Variants in LOC128462377 observed in about 807,000 individuals in gnomAD.
the LOC128462377 span, among the ~76,000 whole-genome samples, chr16:89,401,929 G>A: frequency 6.7e-6 from 1 of 150,174 alleles, no homozygotes; most frequent in Non-Finnish European, 1.5e-5. Flanking sequence ...AGAGAGGCCT[G>A]GAGCAGATGC....
At chr16:89,413,825 G>A in the LOC128462377 span, among the ~76,000 whole-genome samples, 77 of 152,148 alleles carry the variant, frequency 5.1e-4, no homozygotes, top group Middle Eastern at 3.2e-3. Flanking sequence ...GCCCTAGGAT[G>A]CAGAGGGGCC....
the LOC128462377 span, among the ~76,000 whole-genome samples, chr16:89,336,621 A>G: frequency 1.3e-5 from 2 of 152,164 alleles, no homozygotes; most frequent in Admixed American, 6.5e-5. Flanking sequence ...CTTTGTAAGG[A>G]CGGAAAGCCA....
the LOC128462377 span, among the ~76,000 whole-genome samples, chr16:89,322,452 G>A: frequency 6.6e-6 from 1 of 152,242 alleles, no homozygotes; most frequent in Admixed American, 6.5e-5. Flanking sequence ...CAAGGCCCCT[G>A]AGAAGGGATG....
At chr16:89,367,366 C>T in the LOC128462377 span, among the ~76,000 whole-genome samples, 1 of 152,258 alleles carries the variant, frequency 6.6e-6, no homozygotes, top group Non-Finnish European at 1.5e-5. Flanking sequence ...AGACCTCCCA[C>T]CACTGCTTCC....
the LOC128462377 span, chr16:89,323,331 C>A: frequency 2.3e-6 from 3 of 1,288,922 alleles, no homozygotes; most frequent in Non-Finnish European, 3.0e-6. Flanking sequence ...GTGGCAATCC[C>A]AGGTATGGAA....
At chr16:89,366,480 G>C in the LOC128462377 span, among the ~76,000 whole-genome samples, 1 of 152,188 alleles carries the variant, frequency 6.6e-6, no homozygotes, top group African/African-American at 2.4e-5. Flanking sequence ...CCACAGACTC[G>C]CCAGCATCTG....
chr16:89,410,973 G>A, the LOC128462377 span, among the ~76,000 whole-genome samples: 10 of 152,164 alleles, frequency 6.6e-5, no homozygotes, highest in East Asian at 1.2e-3. Flanking sequence ...CAGGCTGCCC[G>A]GCCTCCACAG....
the LOC128462377 span, among the ~76,000 whole-genome samples, chr16:89,348,591 G>T: frequency 6.6e-6 from 1 of 152,126 alleles, no homozygotes; most frequent in African/African-American, 2.4e-5. Context: ...TTTCTTTGTG[G>T]GAAGGGTGTT....
At chr16:89,350,266 T>G in the LOC128462377 span, among the ~76,000 whole-genome samples, 1 of 151,544 alleles carries the variant, frequency 6.6e-6, no homozygotes, top group Admixed American at 6.6e-5. Flanking sequence ...TGGAAAAGAG[T>G]CTGGCAGGTT....
chr16:89,359,561 T>G, the LOC128462377 span, among the ~76,000 whole-genome samples: 1 of 152,226 alleles, frequency 6.6e-6, no homozygotes, highest in Non-Finnish European at 1.5e-5. Context: ...TTCTTCAGGC[T>G]AATCCCACAC....
At chr16:89,374,308 A>C in the LOC128462377 span, among the ~76,000 whole-genome samples, 1 of 152,180 alleles carries the variant, frequency 6.6e-6, no homozygotes, top group Non-Finnish European at 1.5e-5. Context: ...AGCCGAGGTC[A>C]GCGAGTTATG....
the LOC128462377 span, among the ~76,000 whole-genome samples, chr16:89,358,040 T>C: frequency 5.9e-5 from 9 of 152,256 alleles, no homozygotes; most frequent in Non-Finnish European, 1.2e-4. Context: ...TGAACCCTCT[T>C]ACTGCTTTGA....
chr16:89,380,395 A>C, the LOC128462377 span, among the ~76,000 whole-genome samples: 1 of 152,176 alleles, frequency 6.6e-6, no homozygotes, highest in Non-Finnish European at 1.5e-5. Flanking sequence ...TACAGGTGTG[A>C]GCCACTGTGC....
At chr16:89,414,393 G>A in the LOC128462377 span, among the ~76,000 whole-genome samples, 3 of 152,134 alleles carry the variant, frequency 2.0e-5, no homozygotes, top group Non-Finnish European at 4.4e-5. Flanking sequence ...ACACTCACTG[G>A]GAACCGCGTG....
the LOC128462377 span, among the ~76,000 whole-genome samples, chr16:89,407,278 CAT>C: frequency 4.6e-5 from 7 of 151,486 alleles, no homozygotes; most frequent in Non-Finnish European, 1.0e-4. Flanking sequence ...GAAAAAGACT[CAT>C]ATTTTTATAT....
At chr16:89,417,660 A>G in the LOC128462377 span, among the ~76,000 whole-genome samples, 1 of 152,220 alleles carries the variant, frequency 6.6e-6, no homozygotes, top group Non-Finnish European at 1.5e-5. Context: ...TAGAGGGTTC[A>G]GCAACAGCAC....
At chr16:89,382,488 G>A in the LOC128462377 span, among the ~76,000 whole-genome samples, 1 of 151,244 alleles carries the variant, frequency 6.6e-6, no homozygotes, top group Non-Finnish European at 1.5e-5. Context: ...ACCAAGCCTG[G>A]CTAATTTTTT....
chr16:89,324,953 C>G, the LOC128462377 span: 3 of 179,186 alleles, frequency 1.7e-5, no homozygotes, highest in African/African-American at 7.2e-5. Flanking sequence ...CTAGAGAACC[C>G]TGACTCGTAC....
the LOC128462377 span, among the ~76,000 whole-genome samples, chr16:89,371,512 G>GCACC: frequency 0.029 from 4,458 of 152,294 alleles, 142 homozygotes; most frequent in African/African-American, 0.075. Context: ...TGTAGTCTGT[G>GCACC]CACCACCCAC....
Sources: allele counts gnomAD v4.1 joint callset (sites outside exome capture counted in the v4.1 genomes callset), GRCh38; gene constraint gnomAD v4.1.1; transcripts MANE v1.5.